Variants in FOXO1 observed in about 807,000 individuals in gnomAD.
FOXO1 encodes the protein forkhead box O1.
Under a neutral mutation model 44.1 loss-of-function variants are expected in FOXO1, and 6 were observed. That is an observed-to-expected ratio of 0.14 (90% confidence interval 0.07 to 0.27). The LOEUF is 0.27. FOXO1 is among the 10% of genes least tolerant of loss of function. The probability of loss-of-function intolerance (pLI) is 1.00; values close to 1 mark genes in which losing one functional copy is unlikely to be tolerated. For missense variants in FOXO1, 737 were observed against 888.8 expected (o/e 0.83, Z 2.17); for synonymous variants, 380 against 362.7 (o/e 1.05, Z -0.54).
intron 1 of FOXO1, among the ~76,000 whole-genome samples, chr13:40,659,791 GGAATA>G (rs887644733): frequency 1.3e-5 from 2 of 152,264 alleles, no homozygotes; most frequent in East Asian, 1.9e-4. Flanking sequence ...GGGAGAAGAC[GGAATA>G]GAGTAAACTG....
At chr13:40,633,347 T>C (rs575448902) in intron 1 of FOXO1, among the ~76,000 whole-genome samples, 85 of 152,290 alleles carry the variant, frequency 5.6e-4, no homozygotes, top group Middle Eastern at 3.4e-3. Context: ...CAGCAATAAT[T>C]TTGAAATGTG....
rs1217144627 is a variant in FOXO1 at position 40,560,741 on chromosome 13, A to G, written c.750T>C (p.Pro250=). The G allele has an allele frequency of 3.7e-6, 6 of 1,614,064 alleles. No individual in the cohort carries two copies. The highest frequency in any genetic ancestry group is 4.2e-6 in the Non-Finnish European group (5 of 1,180,012). ...NPEGGKSGKS[P]RRRAASMDNN... ...TGTCCATGGATGCAGCTCTTCTCCT[A>G]GGAGATTTCCCGCTCTTGCCACCCT... The change falls in exon 2 of 3, where the codon CCT becomes CCC. Residue 250 remains proline, a synonymous_variant. Transcript: ENST00000379561. This position sits in a 1 kb window ranked among gnomAD's most constrained non-coding sequence, Gnocchi z 5.1.
chr13:40,615,803 CAG>C (rs1254912742), intron 1 of FOXO1, among the ~76,000 whole-genome samples: 2 of 152,090 alleles, frequency 1.3e-5, no homozygotes, highest in Non-Finnish European at 2.9e-5. Context: ...GCCAAGTGAC[CAG>C]AGAGACATGA....
chr13:40,605,783 A>C (rs1875974155), intron 1 of FOXO1, among the ~76,000 whole-genome samples: 1 of 152,178 alleles, frequency 6.6e-6, no homozygotes, highest in Admixed American at 6.5e-5. Context: ...TAGCTACGTA[A>C]GCCCTGAACC....
intron 1 of FOXO1, chr13:40,618,927 C>G: frequency 1.9e-6 from 1 of 526,314 alleles, no homozygotes; most frequent in Non-Finnish European, 3.8e-6. Flanking sequence ...GAAATAACAT[C>G]AGAAGAACTG....
At chr13:40,589,053 C>G (rs1357537506) in intron 1 of FOXO1, among the ~76,000 whole-genome samples, 1 of 152,100 alleles carries the variant, frequency 6.6e-6, no homozygotes, top group Admixed American at 6.6e-5. Context: ...TGCAGTGAGC[C>G]TGAGATCGAA....
At chr13:40,654,623 C>T (rs1394020639) in intron 1 of FOXO1, among the ~76,000 whole-genome samples, 2 of 152,036 alleles carry the variant, frequency 1.3e-5, no homozygotes, top group African/African-American at 4.8e-5. Context: ...ATGCTGGAAC[C>T]AAGTCACACT....
At position 40,665,889 on chromosome 13, in the gene FOXO1, C is replaced by T. The variant is rs1772882704; in HGVS notation, c.324G>A (p.Gly108=). 1.7e-6 allele frequency: 2 copies of T among 1,156,608 alleles called. No individual in the cohort carries two copies. Among genetic ancestry groups the T allele is most frequent in the Admixed American group, 4.8e-5 (1 of 20,960 alleles). 71.6% of individuals were successfully genotyped at this position (1,156,608 alleles called of 1,614,324 possible). ...AAAAATGGLC[G]DFQGPEAGCL... ...AGCCCGCCTCCGGGCCCTGGAAGTC[C>T]CCGCACAGCCCCCCGGTGGCGGCCG... Residue 108 remains glycine, a synonymous_variant, in exon 1 of 3, where the codon GGG becomes GGA. Transcript: ENST00000379561.
At chr13:40,617,142 T>C (rs1276565745) in intron 1 of FOXO1, among the ~76,000 whole-genome samples, 2 of 152,220 alleles carry the variant, frequency 1.3e-5, no homozygotes, top group Non-Finnish European at 2.9e-5. Flanking sequence ...CAATCTATCC[T>C]TGACCAATAA....
intron 1 of FOXO1, among the ~76,000 whole-genome samples, chr13:40,605,288 T>C (rs1875954032): frequency 6.6e-6 from 1 of 152,182 alleles, no homozygotes; most frequent in African/African-American, 2.4e-5. Flanking sequence ...TATCATTTTT[T>C]TTCCTGATCA....
At chr13:40,587,633 G>A (rs2951787) in intron 1 of FOXO1, among the ~76,000 whole-genome samples, 44,178 of 152,064 alleles carry the variant, frequency 0.29, 8,144 homozygotes, top group Middle Eastern at 0.44. Context: ...CCTAAAGCAC[G>A]GCTCAAGTGC....
Position 40,560,068 on chromosome 13 carries a change from CATT to C in FOXO1, c.1420_1422del (p.Asn474del), listed in dbSNP as rs1873928233. ...CCAGGATCAACTGGTGTCATAATGT[CATT>C]ATGGGGAGGAGAGTCAGAAGTCAGC... is the stretch of plus-strand genomic sequence containing the variant. On this transcript the variant is annotated inframe_deletion, in exon 2 of 3. Transcript: ENST00000379561. This position sits in a 1 kb window ranked among gnomAD's most constrained non-coding sequence, Gnocchi z 5.1. 1 of 1,614,006 alleles carries C rather than the reference CATT, an allele frequency of 6.2e-7. No individual in the cohort carries two copies. Among genetic ancestry groups the C allele is most frequent in the Admixed American group, 1.7e-5 (1 of 59,990 alleles).
intron 1 of FOXO1, among the ~76,000 whole-genome samples, chr13:40,627,069 A>T (rs1284153485): frequency 6.6e-6 from 1 of 152,176 alleles, no homozygotes; most frequent in Non-Finnish European, 1.5e-5. Context: ...TCCAGAACAC[A>T]AGCATTAGAA....
intron 1 of FOXO1, among the ~76,000 whole-genome samples, chr13:40,606,084 G>C (rs973223067): frequency 3.9e-5 from 6 of 152,052 alleles, no homozygotes; most frequent in Non-Finnish European, 5.9e-5. Context: ...ATGTTATCTA[G>C]CAAGATAAAG....
chr13:40,651,109 T>G (rs974539756), intron 1 of FOXO1, among the ~76,000 whole-genome samples: 23 of 149,908 alleles, frequency 1.5e-4, no homozygotes, highest in Admixed American at 2.6e-4. Flanking sequence ...TTTTTTGTTT[T>G]TGTTTTTTTT....
chr13:40,615,103 C>T (rs1475522814), intron 1 of FOXO1, among the ~76,000 whole-genome samples: 2 of 152,196 alleles, frequency 1.3e-5, no homozygotes, highest in Admixed American at 6.5e-5. Flanking sequence ...AGCAAACAAC[C>T]GCTGAGCACC....
chr13:40,636,518 T>TTC (rs1877161545), intron 1 of FOXO1, among the ~76,000 whole-genome samples: 1 of 48,066 alleles, frequency 2.1e-5, no homozygotes, highest in African/African-American at 1.5e-4. Flanking sequence ...TTTCAAAAAC[T>TTC]TTTTTTTTTT....
intron 1 of FOXO1, among the ~76,000 whole-genome samples, chr13:40,646,229 T>G (rs1322649057): frequency 6.6e-6 from 1 of 151,816 alleles, no homozygotes; most frequent in Non-Finnish European, 1.5e-5. Flanking sequence ...TATTAATTGA[T>G]TATTTGAGGG....
At chr13:40,589,618 C>CAAAT (rs1182691502) in intron 1 of FOXO1, among the ~76,000 whole-genome samples, 2 of 152,178 alleles carry the variant, frequency 1.3e-5, no homozygotes, top group Admixed American at 1.3e-4. Context: ...TAACATAAGT[C>CAAAT]AAATAATGAA....
Sources: gnomAD v4.1 joint callset for allele counts (sites outside exome capture counted in the v4.1 genomes callset) on GRCh38, gnomAD v4.1.1 for gene constraint, Gnocchi (gnomAD v3.1) non-coding constraint, MANE v1.5 for transcripts, NCBI Gene and HGNC (gene_info 2026-07-23, HGNC 2026-07-21) for gene names.